NEK8: variants seen among roughly 807,000 people sequenced by gnomAD.
NEK8 encodes the protein serine/threonine-protein kinase Nek8.
In NEK8, 51 loss-of-function variants were observed where a neutral mutation model predicts 77.2. That is an observed-to-expected ratio of 0.66 (90% CI 0.53 to 0.83). The LOEUF (loss-of-function observed/expected upper bound fraction) is 0.83, where lower values mean the gene tolerates loss of function less well. Ranked by LOEUF, NEK8 falls within the 40% of genes least tolerant of loss-of-function variation. The pLI, the probability that NEK8 is intolerant of heterozygous loss-of-function variation, is 0.00. For missense variants in NEK8, 787 were observed against 909.2 expected (o/e 0.87, Z 1.73); for synonymous variants, 365 against 363.2 (o/e 1.00, Z -0.06).
chr17:28,736,392 C>G (rs1427654130), intron 4 of NEK8, among the ~76,000 whole-genome samples: 1 of 152,210 alleles, frequency 6.6e-6, no homozygotes, highest in Non-Finnish European at 1.5e-5. Context: ...GTCCCACCAA[C>G]AGTGTAAAAG....
At chr17:28,731,494 G>T (rs1472399719) in intron 1 of NEK8, among the ~76,000 whole-genome samples, 2 of 151,986 alleles carry the variant, frequency 1.3e-5, no homozygotes, top group East Asian at 3.9e-4. Context: ...AGCCGAGATC[G>T]CGCCGCTCCA....
chr17:28,736,704 C>T (rs1281546967), intron 4 of NEK8, among the ~76,000 whole-genome samples: 4 of 151,992 alleles, frequency 2.6e-5, no homozygotes, highest in African/African-American at 7.3e-5. Context: ...CAAAAATCTT[C>T]TCCCATTCTG....
intron 1 of NEK8, among the ~76,000 whole-genome samples, chr17:28,731,250 AAAC>A (rs1298585366): frequency 6.6e-6 from 1 of 151,728 alleles, no homozygotes; most frequent in Non-Finnish European, 1.5e-5. Context: ...AAAAAAATAA[AAAC>A]AAAAAGGCCG....
intron 4 of NEK8, 145 bp downstream of exon 4, chr17:28,735,516 C>A: frequency 1.1e-6 from 1 of 899,190 alleles, no homozygotes; most frequent in Non-Finnish European, 1.7e-6. Flanking sequence ...TATGGGTGTC[C>A]CTCAGACTAT....
chr17:28,733,473 A>G (rs1189710850), intron 1 of NEK8, among the ~76,000 whole-genome samples: 1 of 152,200 alleles, frequency 6.6e-6, no homozygotes, highest in Non-Finnish European at 1.5e-5. Flanking sequence ...TGGGCTATGC[A>G]CTGGGGTTAT....
chr17:28,734,412 G>A (rs1335969462), intron 2 of NEK8: 5 of 594,114 alleles, frequency 8.4e-6, no homozygotes, highest in Non-Finnish European at 1.5e-5. Context: ...GCTCATGCCT[G>A]TAATCTCAGC....
At position 28,741,324 on chromosome 17, in the gene NEK8, C is replaced by T; in HGVS notation, c.1891+88C>T. On this transcript the variant is annotated intron_variant, in intron 13 of 14. Transcript: ENST00000268766. This position sits in a 1 kb window ranked among gnomAD's most constrained non-coding sequence, Gnocchi z 4.5. ...TCAGGGCCACTGGACTCTGGAGCCT[C>T]CCAGGGGCCATCCTGGCAATGTGGG... The T allele has an allele frequency of 6.3e-7, 1 of 1,599,176 alleles. No homozygotes were observed. Among genetic ancestry groups the T allele is most frequent in the Non-Finnish European group, 8.5e-7 (1 of 1,171,802 alleles).
Position 28,733,976 on chromosome 17 carries a change from T to A in NEK8, c.48-7T>A. 3 of 1,613,830 alleles carry A rather than the reference T, an allele frequency of 1.9e-6. No individual in the cohort carries two copies. Among genetic ancestry groups the A allele is most frequent in the Non-Finnish European group, 2.5e-6 (3 of 1,179,798 alleles). On this transcript the variant is annotated splice_polypyrimidine_tract_variant and splice_region_variant and intron_variant, in intron 1 of 14. Transcript: ENST00000268766. Reference sequence around the variant, plus strand: ...TGGTAACCTGTCCCTGTCCTCCGTATCCCTAGGATTGTGCACCTGTGCCTG... The same window carrying A: ...TGGTAACCTGTCCCTGTCCTCCGTAACCCTAGGATTGTGCACCTGTGCCTG...
intron 2 of NEK8, 77 bp from the exon 3 acceptor site, chr17:28,734,695 A>G: frequency 3.7e-6 from 4 of 1,085,492 alleles, no homozygotes; most frequent in Non-Finnish European, 5.6e-6. Flanking sequence ...TCAAAAAAAA[A>G]AAACAACAAC....
rs759758319 is a variant in NEK8, at chr17:28,737,994, G to A, written c.1065G>A (p.Leu355=). Residue 355 remains leucine, a synonymous_variant, in exon 7 of 15, where the codon CTG becomes CTA. Coordinates refer to ENST00000268766, the MANE Select transcript of NEK8 (RefSeq NM_178170.3). The surrounding 1 kb of genome is among the most constrained non-coding windows in gnomAD (Gnocchi z 4.8). ...TCACGCGCTCTGGGCGTCTCATCCTGTGGGAGGTGAGCAGGCCAGGGGGTG... is the reference window on the plus strand; with the variant it reads ...TCACGCGCTCTGGGCGTCTCATCCTATGGGAGGTGAGCAGGCCAGGGGGTG... ...AGVTRSGRLI[L]WEAPPLGAGG... is the part of the protein sequence containing the mutation. 7 of 1,612,138 alleles carry A rather than the reference G, an allele frequency of 4.3e-6. No homozygotes were observed. The South Asian group carries it at 7.7e-5, about 18-fold the overall frequency.
rs1203585411 is a variant in NEK8 at position 28,737,584 on chromosome 17, G to A, written c.827+70G>A. 1.9e-6 allele frequency: 3 copies of A among 1,613,366 alleles called. No homozygotes were observed. The highest frequency in any genetic ancestry group is 2.5e-6 in the Non-Finnish European group (3 of 1,179,704). On this transcript the variant is annotated intron_variant, in intron 5 of 14. Coordinates refer to ENST00000268766, the MANE Select transcript of NEK8 (RefSeq NM_178170.3). The surrounding 1 kb of genome is among the most constrained non-coding windows in gnomAD (Gnocchi z 4.8). ...CACCCAGTGGGAGCACAGGAGGTCT[G>A]AGGCAGAGGGAAACCTGGGGCAAGT...
In NEK8 at chr17:28,742,190, T is replaced by A. The variant is rs1212052225; in HGVS notation, c.*203T>A. 3.0e-6 allele frequency: 2 copies of A among 662,442 alleles called. No individual in the cohort carries two copies. Among genetic ancestry groups the A allele is most frequent in the African/African-American group, 1.8e-5 (1 of 56,610 alleles). 41.0% of individuals were successfully genotyped at this position (662,442 alleles called of 1,614,324 possible). On this transcript the variant is annotated 3_prime_UTR_variant, in exon 15 of 15. Transcript: ENST00000268766. Reference sequence around the variant, plus strand: ...TTGTTCTCCTACCACCTCTTTGCCCTTCCTACCCCTTCCTCCCTTCAGTCA... The same window carrying A: ...TTGTTCTCCTACCACCTCTTTGCCCATCCTACCCCTTCCTCCCTTCAGTCA...
intron 1 of NEK8, among the ~76,000 whole-genome samples, chr17:28,729,448 T>C (rs1025834029): frequency 3.3e-5 from 5 of 151,944 alleles, no homozygotes; most frequent in Non-Finnish European, 7.4e-5. Flanking sequence ...CACCACCTCC[T>C]GGGTTCAAGC....
intron 9 of NEK8, 94 bp downstream of exon 9, chr17:28,738,841 C>A: frequency 1.9e-6 from 2 of 1,025,906 alleles, no homozygotes; most frequent in Middle Eastern, 2.2e-4. Context: ...AGGGGAGTTC[C>A]CAGCAACCAC....
Position 28,742,245 on chromosome 17 carries a change from T to A in NEK8, c.*258T>A, listed in dbSNP as rs1013985243. ...CCCCAGGGTCCAGCCTGGCTAGAGT[T>A]AGAAGGCAGACCTAGCCTTTGGAAG... On this transcript the variant is annotated 3_prime_UTR_variant, in exon 15 of 15. Transcript: ENST00000268766. The A allele has an allele frequency of 1.7e-6, 1 of 598,558 alleles. No homozygotes were observed. The highest frequency in any genetic ancestry group is 3.0e-6 in the Non-Finnish European group (1 of 332,128). The allele number at this position is 598,558 out of a possible 1,614,324, so 37.1% of individuals were successfully genotyped here.
chr17:28,742,324 T>G lies in NEK8; in HGVS notation c.*337T>G. The stretch of plus-strand genomic sequence containing the variant: ...AAAGGCTGAAGGCAGCCGGGCGCAG[T>G]GGCTCACGCCTGTAATCCCAGCACT... On this transcript the variant is annotated 3_prime_UTR_variant, in exon 15 of 15. Transcript: ENST00000268766. 2.3e-6 allele frequency: 1 copy of G among 433,040 alleles called. No homozygotes were observed. Among genetic ancestry groups the G allele is most frequent in the Non-Finnish European group, 4.3e-6 (1 of 231,142 alleles). The allele number at this position is 433,040 out of a possible 1,614,324, so 26.8% of individuals were successfully genotyped here. A position where few individuals can be genotyped will look rare whatever the true frequency, so the allele number is the denominator to read the frequency against.
intron 8 of NEK8, among the ~76,000 whole-genome samples, 162 bp from the exon 9 acceptor site, chr17:28,738,509 A>G (rs1355624504): frequency 6.6e-6 from 1 of 152,158 alleles, no homozygotes; most frequent in Non-Finnish European, 1.5e-5. Context: ...CCAAAGTCAC[A>G]TATGTTTGAA....
Position 28,737,902 on chromosome 17 carries a change from C to T in NEK8, c.973C>T (p.Leu325=), listed in dbSNP as rs1158551302. 6.2e-7 allele frequency: 1 copy of T among 1,613,688 alleles called. No homozygotes were observed. Among genetic ancestry groups the T allele is most frequent in the Non-Finnish European group, 8.5e-7 (1 of 1,179,984 alleles). The change falls in exon 7 of 15, where the codon CTG becomes TTG. Residue 325 remains leucine, a synonymous_variant. Coordinates refer to ENST00000268766, the MANE Select transcript of NEK8 (RefSeq NM_178170.3). The surrounding 1 kb of genome is among the most constrained non-coding windows in gnomAD (Gnocchi z 4.8). ...CTGGGGTGGTGGGCTGGGCACCCCCCTGCGGCTGCCAATGCTCAACACAGA... is the reference window on the plus strand; with the variant it reads ...CTGGGGTGGTGGGCTGGGCACCCCCTTGCGGCTGCCAATGCTCAACACAGA... ...YAWGGGLGTP[L]RLPMLNTEVV...
chr17:28,740,683 GCCTACCTTTCA>G lies in NEK8; in HGVS notation c.1568+73_1568+83del. ...GGCTGCAAGTGCTCCGTCCATCATT[GCCTACCTTTCA>G]CCAAAGACCAGAATTGAGGGGGTTG... On this transcript the variant is annotated intron_variant, in intron 11 of 14. Transcript: ENST00000268766. The surrounding 1 kb of genome is among the most constrained non-coding windows in gnomAD (Gnocchi z 4.7). 6.3e-7 allele frequency: 1 copy of G among 1,596,204 alleles called. No homozygotes were observed. Among genetic ancestry groups the G allele is most frequent in the Non-Finnish European group, 8.6e-7 (1 of 1,164,270 alleles).
Sources: allele counts gnomAD v4.1 joint callset (sites outside exome capture counted in the v4.1 genomes callset), GRCh38; gene constraint gnomAD v4.1.1; non-coding constraint Gnocchi (gnomAD v3.1); transcripts MANE v1.5; gene names NCBI Gene and HGNC (gene_info 2026-07-23, HGNC 2026-07-21).